The following TMTC1 variants were observed in gnomAD, a reference collection of about 807,000 sequenced individuals.
The protein encoded by TMTC1 is protein O-mannosyl-transferase TMTC1.
In TMTC1, 73 loss-of-function variants were observed where a neutral mutation model predicts 104.8. The observed-to-expected ratio is 0.70, with a 90% CI of 0.58 to 0.85. TMTC1 has a LOEUF of 0.85. Among genes scored for constraint, TMTC1 ranks in the 40% least tolerant of loss-of-function variants. TMTC1 has a pLI of 0.00. For missense variants in TMTC1, 1,035 were observed against 1,096.1 expected, an observed-to-expected ratio of 0.94 and a Z score of 0.79; for synonymous variants, 434 against 428.7, an observed-to-expected ratio of 1.01 and a Z score of -0.15.
Position 29,601,520 on chromosome 12 carries a change from C to T in TMTC1, c.1250+2658G>A, listed in dbSNP as rs537112836. Among the ~76,000 whole-genome samples, 9 of 152,106 alleles carry T rather than the reference C, an allele frequency of 5.9e-5. No individual in the cohort carries two copies. The South Asian group carries it at 1.9e-3, about 32-fold the overall frequency. On this transcript the variant is annotated intron_variant, in intron 7 of 17. Coordinates refer to ENST00000539277, the MANE Select transcript of TMTC1 (RefSeq NM_001193451.2). ...AGCTTGATCACCACATGAGTTGAGC[C>T]GAAAGTCCATTACTATGTGTAGATT...
intron 9 of TMTC1, among the ~76,000 whole-genome samples, chr12:29,557,946 G>A (rs1004311664): frequency 1.3e-5 from 2 of 151,926 alleles, no homozygotes; most frequent in East Asian, 1.9e-4. Flanking sequence ...AAAATACTAA[G>A]AACTTAGAAC....
Position 29,520,647 on chromosome 12 carries a change from T to C in TMTC1, c.1859A>G (p.Asn620Ser), listed in dbSNP as rs766416223. 1.9e-6 allele frequency: 3 copies of C among 1,613,766 alleles called. No homozygotes were observed. The highest frequency in any genetic ancestry group is 2.5e-6 in the Non-Finnish European group (3 of 1,179,884). Residue 620 changes from asparagine to serine, a missense_variant, in exon 12 of 18, where the codon AAC becomes AGC. Physicochemically the swap from Asn to Ser is conservative, Grantham distance 46 (BLOSUM62 1). Coordinates refer to ENST00000539277, the MANE Select transcript of TMTC1 (RefSeq NM_001193451.2). ...KNCPDSSDLH[N>S]NYGVFLVDTG... ...ATCAACTAAGAAAACCCCATAGTTG[T>C]TGTGTAAATCTGAGCTGTCTGGACA... is the stretch of plus-strand genomic sequence containing the variant.
chr12:29,698,270 A>T (rs1224586853), intron 5 of TMTC1, among the ~76,000 whole-genome samples: 2 of 152,084 alleles, frequency 1.3e-5, no homozygotes, highest in African/African-American at 4.8e-5. Flanking sequence ...AATACCTTTC[A>T]TATTGCCATG....
chr12:29,530,119 T>C (rs929311482), intron 11 of TMTC1: 1 of 152,198 alleles, frequency 6.6e-6, no homozygotes, highest in Non-Finnish European at 1.5e-5. Flanking sequence ...CATGACTTTC[T>C]TTCTACTTGA....
chr12:29,626,969 G>A (rs958851804), intron 6 of TMTC1, among the ~76,000 whole-genome samples: 1 of 152,124 alleles, frequency 6.6e-6, no homozygotes, highest in Non-Finnish European at 1.5e-5. Flanking sequence ...GGGCGTGGTG[G>A]TGGGTGCCTG....
chr12:29,601,129 C>T, intron 7 of TMTC1, among the ~76,000 whole-genome samples: 1 of 152,054 alleles, frequency 6.6e-6, no homozygotes, highest in Non-Finnish European at 1.5e-5. Context: ...GCATTTTATT[C>T]CTAGGAAAAA....
chr12:29,641,443 C>A (rs1307627822), intron 5 of TMTC1, among the ~76,000 whole-genome samples: 1 of 152,130 alleles, frequency 6.6e-6, no homozygotes, highest in Non-Finnish European at 1.5e-5. Context: ...CTGGTACTAG[C>A]CCAGAGCCCA....
At chr12:29,608,751 G>A (rs78077606) in intron 6 of TMTC1, among the ~76,000 whole-genome samples, 3,501 of 152,222 alleles carry the variant, frequency 0.023, 142 homozygotes, top group African/African-American at 0.08. Context: ...GGTGCTGAGA[G>A]GGTCGCTCAG....
intron 7 of TMTC1, among the ~76,000 whole-genome samples, chr12:29,602,125 C>T (rs1026210890): frequency 4.0e-5 from 6 of 151,406 alleles, no homozygotes; most frequent in Non-Finnish European, 7.4e-5. Context: ...TGAGCCACCG[C>T]GCCTGGCATC....
chr12:29,758,006 G>T (rs1943256372), intron 3 of TMTC1, among the ~76,000 whole-genome samples: 2 of 152,174 alleles, frequency 1.3e-5, no homozygotes, highest in South Asian at 4.1e-4. Flanking sequence ...TTCAAGATGA[G>T]ATTTGGGTGG....
At chr12:29,555,755 T>C (rs1261501667) in intron 10 of TMTC1, among the ~76,000 whole-genome samples, 1 of 152,218 alleles carries the variant, frequency 6.6e-6, no homozygotes, top group African/African-American at 2.4e-5. Context: ...TCCAAGTCTT[T>C]GCTATTGTGA....
chr12:29,748,073 G>GT (rs1302768217), intron 5 of TMTC1, among the ~76,000 whole-genome samples: 1 of 151,816 alleles, frequency 6.6e-6, no homozygotes, highest in Non-Finnish European at 1.5e-5. Flanking sequence ...GTATGACACT[G>GT]TTTTTTGTTT....
intron 6 of TMTC1, among the ~76,000 whole-genome samples, chr12:29,607,051 G>A (rs56178040): frequency 0.13 from 19,507 of 152,046 alleles, 1,480 homozygotes; most frequent in Middle Eastern, 0.21. Context: ...TGCGGAGATG[G>A]GGGGAGAGTC....
chr12:29,511,808 A>G (rs1199151298), intron 17 of TMTC1, among the ~76,000 whole-genome samples: 1 of 152,264 alleles, frequency 6.6e-6, no homozygotes, highest in African/African-American at 2.4e-5. Context: ...TAGAAAAATC[A>G]TAAAATCTAA....
chr12:29,642,841 C>T (rs926424557), intron 5 of TMTC1, among the ~76,000 whole-genome samples: 1 of 151,854 alleles, frequency 6.6e-6, no homozygotes, highest in South Asian at 2.1e-4. Flanking sequence ...AGGAGAATGG[C>T]GTGAACCCAG....
chr12:29,745,679 T>C (rs1298244409), intron 5 of TMTC1, among the ~76,000 whole-genome samples: 1 of 145,150 alleles, frequency 6.9e-6, no homozygotes, highest in East Asian at 2.0e-4. Context: ...GCAATGCATA[T>C]GGATAAAGAT....
At chr12:29,512,167 C>A (rs754409468) in intron 16 of TMTC1, 47 bp from the exon 17 acceptor site, 1 of 1,504,432 alleles carries the variant, frequency 6.6e-7, no homozygotes, top group Non-Finnish European at 9.0e-7. Flanking sequence ...AACCTCCAAA[C>A]TCCAGGATTG....
Position 29,539,590 on chromosome 12 carries a change from C to T in TMTC1, c.1677-3273G>A, listed in dbSNP as rs138177339. On this transcript the variant is annotated intron_variant, in intron 10 of 17. Coordinates refer to ENST00000539277, the MANE Select transcript of TMTC1 (RefSeq NM_001193451.2). ...CATACCCAGGTACCCGCTACTCCAG[C>T]GAAACTGGGTGGCCTTTGGCATCTA... 9.2e-5 allele frequency among the ~76,000 whole-genome samples: 14 copies of T among 152,314 alleles called. No individual in the cohort carries two copies. In the East Asian group the frequency reaches 1.9e-3, roughly 21 times the overall value.
chr12:29,708,699 A>G (rs1941818334), intron 5 of TMTC1, among the ~76,000 whole-genome samples: 1 of 152,172 alleles, frequency 6.6e-6, no homozygotes, highest in Admixed American at 6.5e-5. Context: ...TTCTAAAGAC[A>G]AGATATTTTC....
Sources: allele counts gnomAD v4.1 joint callset (sites outside exome capture counted in the v4.1 genomes callset), GRCh38; gene constraint gnomAD v4.1.1; transcripts MANE v1.5; gene names NCBI Gene and HGNC (gene_info 2026-07-23, HGNC 2026-07-21).